VPS53: variants seen among roughly 807,000 people sequenced by gnomAD.
The protein encoded by VPS53 is vacuolar protein sorting-associated protein 53 homolog.
Under a neutral mutation model 107.0 loss-of-function variants are expected in VPS53, and 70 were observed. The observed-to-expected ratio is 0.65, with a 90% CI of 0.54 to 0.80. The LOEUF is 0.80. Among genes scored for constraint, VPS53 ranks in the 30% least tolerant of loss-of-function variants. VPS53 has a pLI of 0.00. For missense variants in VPS53, 917 were observed against 1,049.4 expected, an observed-to-expected ratio of 0.87 and a Z score of 1.74; for synonymous variants, 409 against 393.3, an observed-to-expected ratio of 1.04 and a Z score of -0.47.
At chr17:565,295 C>T (rs957316496) in intron 13 of VPS53, among the ~76,000 whole-genome samples, 13 of 148,100 alleles carry the variant, frequency 8.8e-5, no homozygotes, top group Admixed American at 4.8e-4. Context: ...CCCAGCTACT[C>T]GGGAGGCTGA....
intron 11 of VPS53, among the ~76,000 whole-genome samples, chr17:605,783 G>A (rs868034191): frequency 6.7e-6 from 1 of 150,232 alleles, no homozygotes; most frequent in Non-Finnish European, 1.5e-5. Context: ...TCATATTGGT[G>A]AGTCAGGGAC....
At position 509,932 on chromosome 17, in the gene VPS53, C is replaced by T. The variant is rs1907842398; in HGVS notation, c.*9196G>A. On this transcript the variant is annotated 3_prime_UTR_variant, in exon 22 of 22. Coordinates refer to ENST00000437048, the MANE Select transcript of VPS53 (RefSeq NM_001128159.3). ...CCCCTCACCAGTCACATATCAAATC[C>T]TGGCTCGCCCCTCACCAGTCACATA... 4.8e-5 allele frequency: 5 copies of T among 103,924 alleles called. No homozygotes were observed. Among genetic ancestry groups the T allele is most frequent in the Non-Finnish European group, 6.0e-5 (3 of 50,212 alleles). 6.4% of individuals were successfully genotyped at this position (103,924 alleles called of 1,614,324 possible).
chr17:574,444 T>C lies in VPS53; in HGVS notation c.1314-11699A>G, dbSNP rs1567639789. Among the ~76,000 whole-genome samples the C allele has an allele frequency of 2.6e-5, 4 of 152,168 alleles. No homozygotes were observed. The South Asian group carries it at 6.2e-4, about 24-fold the overall frequency. On this transcript the variant is annotated intron_variant, in intron 13 of 21. Transcript: ENST00000437048. ...AAACCAGGTAGGTTTTGGGAAAGGA[T>C]GTGGCTACCTCAGACATGTGCTTTA...
intron 4 of VPS53, among the ~76,000 whole-genome samples, chr17:669,194 G>A (rs1417047078): frequency 6.6e-6 from 1 of 152,138 alleles, no homozygotes; most frequent in Non-Finnish European, 1.5e-5. Flanking sequence ...CCTACAAGAA[G>A]TTAAGGTTTT....
chr17:643,542 GAAA>G (rs1408531792), intron 7 of VPS53, among the ~76,000 whole-genome samples: 20 of 52,236 alleles, frequency 3.8e-4, no homozygotes, highest in South Asian at 5.5e-4. Flanking sequence ...CTCATACTTG[GAAA>G]CCGAGGACAA....
chr17:634,130 C>T (rs1970085686), intron 7 of VPS53, among the ~76,000 whole-genome samples: 1 of 152,160 alleles, frequency 6.6e-6, no homozygotes, highest in Non-Finnish European at 1.5e-5. Context: ...CGGCTCTGCC[C>T]CTGGCCCGAA....
At chr17:700,410 G>A (rs1302859189) in intron 2 of VPS53, among the ~76,000 whole-genome samples, 1 of 151,970 alleles carries the variant, frequency 6.6e-6, no homozygotes, top group African/African-American at 2.4e-5. Context: ...AATTAGGCAG[G>A]CTTGGTGGTG....
chr17:540,063 C>G (rs1340699371), intron 17 of VPS53, among the ~76,000 whole-genome samples: 3 of 150,756 alleles, frequency 2.0e-5, no homozygotes, highest in East Asian at 3.9e-4. Flanking sequence ...CAACTTCCCC[C>G]CCGACCCGCC....
intron 15 of VPS53, among the ~76,000 whole-genome samples, chr17:557,847 A>G (rs1043259354): frequency 1.2e-4 from 18 of 151,546 alleles, no homozygotes; most frequent in Admixed American, 3.3e-4. Flanking sequence ...ATTCTTTGTA[A>G]GGATTATCTT....
intron 13 of VPS53, among the ~76,000 whole-genome samples, chr17:577,917 T>A (rs1914775976): frequency 6.6e-6 from 1 of 151,824 alleles, no homozygotes; most frequent in Non-Finnish European, 1.5e-5. Flanking sequence ...CCTAATGCGT[T>A]CCCAAAGATC....
At chr17:581,565 C>T (rs1482305782) in intron 13 of VPS53, among the ~76,000 whole-genome samples, 1 of 151,748 alleles carries the variant, frequency 6.6e-6, no homozygotes, top group African/African-American at 2.4e-5. Context: ...CAGAGAACTT[C>T]CCTCAGAACC....
At chr17:686,406 AC>A (rs1205951270) in intron 4 of VPS53, among the ~76,000 whole-genome samples, 3 of 152,262 alleles carry the variant, frequency 2.0e-5, no homozygotes, top group Non-Finnish European at 4.4e-5. Context: ...CAAAAACAAT[AC>A]AAATAATAAA....
chr17:615,340 G>A (rs1228228625), intron 11 of VPS53, among the ~76,000 whole-genome samples: 1 of 152,204 alleles, frequency 6.6e-6, no homozygotes, highest in Non-Finnish European at 1.5e-5. Flanking sequence ...AAGAGCCAAG[G>A]ATGATGCATC....
At chr17:646,974 CAA>C (rs1286204182) in intron 7 of VPS53, among the ~76,000 whole-genome samples, 1 of 152,224 alleles carries the variant, frequency 6.6e-6, no homozygotes, top group Non-Finnish European at 1.5e-5. Context: ...TTACAAAATA[CAA>C]GTGAGATCAT....
rs11558129 is a variant in VPS53, at chr17:714,629, G to C, written c.81C>G (p.Ile27Met). 1.2e-6 allele frequency: 2 copies of C among 1,611,084 alleles called. No individual in the cohort carries two copies. The highest frequency in any genetic ancestry group is 2.7e-5 in the African/African-American group (2 of 74,390). Residue 27 changes from isoleucine (I) to methionine (M), a missense_variant, in exon 1 of 22, where the codon ATC becomes ATG. Physicochemically the swap from Ile to Met is conservative, Grantham distance 10 (BLOSUM62 1). Transcript: ENST00000437048. ...TGAGGGGCGGAACGCTTACCTGCTC[G>C]ATGGCCAGCTGCACCTCGGGCGTGA... ...LQLTPEVQLA[I>M]EQVFPSQDPL...
chr17:684,689 C>A (rs929298914), intron 4 of VPS53, among the ~76,000 whole-genome samples: 1 of 151,870 alleles, frequency 6.6e-6, no homozygotes, highest in African/African-American at 2.4e-5. Flanking sequence ...TTTTTCTTTT[C>A]TTAAATCAAC....
intron 6 of VPS53, 115 bp downstream of exon 6, chr17:655,723 A>T: frequency 1.0e-6 from 1 of 960,588 alleles, no homozygotes; most frequent in South Asian, 1.8e-5. Context: ...CAATTTGCAG[A>T]AAGTGGGGCA....
At chr17:691,747 T>C (rs902037271) in intron 4 of VPS53, among the ~76,000 whole-genome samples, 2 of 152,220 alleles carry the variant, frequency 1.3e-5, no homozygotes, top group African/African-American at 2.4e-5. Context: ...ATTAGTCACT[T>C]AGCAGCCATC....
chr17:542,125 T>C (rs1305987812), intron 17 of VPS53, among the ~76,000 whole-genome samples: 1 of 152,262 alleles, frequency 6.6e-6, no homozygotes, highest in African/African-American at 2.4e-5. Context: ...AAGGAACGTT[T>C]ATCAAGCACC....
Sources: allele counts gnomAD v4.1 joint callset (sites outside exome capture counted in the v4.1 genomes callset), GRCh38; gene constraint gnomAD v4.1.1; transcripts MANE v1.5; gene names NCBI Gene and HGNC (gene_info 2026-07-23, HGNC 2026-07-21).